Variants in HLCS observed in about 807,000 individuals in gnomAD.
The protein encoded by HLCS is biotin--protein ligase.
In HLCS, 53 loss-of-function variants were observed where a neutral mutation model predicts 75.0. That is an observed-to-expected ratio of 0.71 (90% CI 0.57 to 0.89). The LOEUF is 0.89. HLCS is among the 40% of genes least tolerant of loss of function. HLCS has a pLI of 0.00. For missense variants in HLCS, 966 were observed against 1,074.0 expected (o/e 0.90, Z 1.41); for synonymous variants, 431 against 428.6 (o/e 1.01, Z -0.07).
At chr21:36,834,395 C>T (rs2062330538) in intron 6 of HLCS, among the ~76,000 whole-genome samples, 1 of 152,162 alleles carries the variant, frequency 6.6e-6, no homozygotes, top group African/African-American at 2.4e-5. Context: ...CCAAGTGTGA[C>T]CAAGATGGGC....
chr21:36,777,840 G>T (rs183726384), intron 6 of HLCS, among the ~76,000 whole-genome samples: 87 of 152,264 alleles, frequency 5.7e-4, no homozygotes, highest in African/African-American at 1.9e-3. Flanking sequence ...TTTGTGCTGG[G>T]TTTTCCCACT....
chr21:36,974,458 T>A (rs1265985886), intron 1 of HLCS: 2 of 152,338 alleles, frequency 1.3e-5, no homozygotes, highest in African/African-American at 4.8e-5. Context: ...AATATTCTGC[T>A]TCTGTTCCAG....
chr21:36,855,919 A>G (rs2063176210), intron 6 of HLCS, among the ~76,000 whole-genome samples: 2 of 152,132 alleles, frequency 1.3e-5, no homozygotes, highest in Admixed American at 1.3e-4. Context: ...ATGCTACAAC[A>G]TGGGTGAATC....
chr21:36,770,957 C>T (rs1201495946), intron 6 of HLCS, among the ~76,000 whole-genome samples: 4 of 152,106 alleles, frequency 2.6e-5, no homozygotes, highest in Admixed American at 6.5e-5. Context: ...TGGTGGTTCC[C>T]GCCTGTAATC....
At chr21:36,768,188 T>G (rs2090109309) in intron 6 of HLCS, among the ~76,000 whole-genome samples, 1 of 152,248 alleles carries the variant, frequency 6.6e-6, no homozygotes, top group Middle Eastern at 3.2e-3. Flanking sequence ...ACTTTGTCAG[T>G]GCAGATGAGG....
At chr21:36,845,841 T>C (rs1489414502) in intron 6 of HLCS, among the ~76,000 whole-genome samples, 1 of 152,156 alleles carries the variant, frequency 6.6e-6, no homozygotes, top group African/African-American at 2.4e-5. Context: ...TCTTCCTTCC[T>C]ATGAGCTCTG....
At chr21:36,823,927 C>A (rs756786813) in intron 6 of HLCS, among the ~76,000 whole-genome samples, 41 of 152,102 alleles carry the variant, frequency 2.7e-4, no homozygotes, top group Non-Finnish European at 4.9e-4. Flanking sequence ...CCAAACAGAG[C>A]ACTGATGCCA....
At chr21:36,862,592 T>C (rs913951963) in intron 6 of HLCS, among the ~76,000 whole-genome samples, 14 of 152,258 alleles carry the variant, frequency 9.2e-5, no homozygotes, top group Non-Finnish European at 1.9e-4. Context: ...CAAAATTTTC[T>C]TAGGTTTTTT....
At position 36,896,023 on chromosome 21, in the gene HLCS, C is replaced by T. The variant is rs577689185; in HGVS notation, c.1892+837G>A. Among the ~76,000 whole-genome samples, 198 of 152,244 alleles carry T rather than the reference C, an allele frequency of 1.3e-3. 1 individual carries two copies. The highest frequency in any genetic ancestry group is 4.6e-3 in the African/African-American group (193 of 41,528). On this transcript the variant is annotated intron_variant, in intron 6 of 10. Coordinates refer to ENST00000674895, the MANE Select transcript of HLCS (RefSeq NM_001352514.2). ...GAAAACCTGCAGTAAGAGTAAATTT[C>T]TAATATCCAAATGGGGTTATCAACT...
chr21:36,787,639 G>A (rs1205282018), intron 6 of HLCS, among the ~76,000 whole-genome samples: 1 of 152,152 alleles, frequency 6.6e-6, no homozygotes, highest in African/African-American at 2.4e-5. Context: ...TCTAGGAGAG[G>A]AGGCGGCACC....
At chr21:36,819,705 G>A (rs535920018) in intron 6 of HLCS, among the ~76,000 whole-genome samples, 5 of 152,078 alleles carry the variant, frequency 3.3e-5, no homozygotes, top group Non-Finnish European at 5.9e-5. Context: ...CAGAGAGGGC[G>A]AGTCAGGTGT....
At chr21:36,901,390 G>GA (rs1442696430) in intron 5 of HLCS, among the ~76,000 whole-genome samples, 6 of 152,224 alleles carry the variant, frequency 3.9e-5, no homozygotes, top group Non-Finnish European at 5.9e-5. Context: ...TTAAAGCCAA[G>GA]AAAGAGGATA....
chr21:36,881,094 C>T (rs1389386976), intron 6 of HLCS, among the ~76,000 whole-genome samples: 2 of 152,072 alleles, frequency 1.3e-5, no homozygotes. Context: ...CTCAGCCCCT[C>T]AACTAGCTGG....
In HLCS at chr21:36,842,283, G is replaced by A. The variant is rs965724736; in HGVS notation, c.1892+54577C>T. 6.6e-6 allele frequency among the ~76,000 whole-genome samples: 1 copy of A among 152,200 alleles called. No individual in the cohort carries two copies. Among genetic ancestry groups the A allele is most frequent in the Non-Finnish European group, 1.5e-5 (1 of 68,032 alleles). ...AGAAATCAGGACAGTGTTCCCCAAA[G>A]GGAGGATGCAGATGGGAAGGGACCT... On this transcript the variant is annotated intron_variant, in intron 6 of 10. Coordinates refer to ENST00000674895, the MANE Select transcript of HLCS (RefSeq NM_001352514.2). The surrounding 1 kb of genome is among the most constrained non-coding windows in gnomAD (Gnocchi z 4.2).
At chr21:36,913,330 C>G (rs1483699459) in intron 5 of HLCS, among the ~76,000 whole-genome samples, 1 of 151,938 alleles carries the variant, frequency 6.6e-6, no homozygotes, top group Non-Finnish European at 1.5e-5. Flanking sequence ...AATCAAAATG[C>G]TGATGGTATC....
At chr21:36,924,260 C>T (rs552648034) in intron 5 of HLCS, among the ~76,000 whole-genome samples, 1 of 152,140 alleles carries the variant, frequency 6.6e-6, no homozygotes, top group African/African-American at 2.4e-5. Context: ...CTAATTAACT[C>T]ATTAGAAAAA....
intron 5 of HLCS, among the ~76,000 whole-genome samples, chr21:36,914,327 A>G (rs569304465): frequency 6.6e-6 from 1 of 152,234 alleles, no homozygotes; most frequent in Admixed American, 6.5e-5. Context: ...CGATTCAGCA[A>G]CTCCAAAGGA....
intron 6 of HLCS, among the ~76,000 whole-genome samples, chr21:36,876,775 G>T (rs528918109): frequency 6.6e-6 from 1 of 152,322 alleles, no homozygotes; most frequent in East Asian, 1.9e-4. Context: ...GAAAGTGGTT[G>T]AGAGTGTTAT....
chr21:36,978,913 A>G (rs926182713), intron 1 of HLCS, among the ~76,000 whole-genome samples: 5 of 152,170 alleles, frequency 3.3e-5, no homozygotes, highest in Admixed American at 6.6e-5. Context: ...TCCTCTGCCA[A>G]TCTGAACATA....
Sources: gnomAD v4.1 joint callset for allele counts (sites outside exome capture counted in the v4.1 genomes callset) on GRCh38, gnomAD v4.1.1 for gene constraint, Gnocchi (gnomAD v3.1) non-coding constraint, MANE v1.5 for transcripts, NCBI Gene and HGNC (gene_info 2026-07-23, HGNC 2026-07-21) for gene names.